CSPG5: variants seen among roughly 807,000 people sequenced by gnomAD.
CSPG5 encodes the protein acidic leucine-rich EGF-like domain-containing brain protein.
Under a neutral mutation model 39.8 loss-of-function variants are expected in CSPG5, and 25 were observed. That is an observed-to-expected ratio of 0.63 (90% confidence interval 0.46 to 0.88). The LOEUF is 0.88. Among genes scored for constraint, CSPG5 ranks in the 40% least tolerant of loss-of-function variants. The pLI is 0.00. For synonymous variants in CSPG5, 295 were observed against 303.9 expected (o/e 0.97, Z 0.31); for missense variants, 627 against 702.2 (o/e 0.89, Z 1.21).
At position 47,577,456 on chromosome 3, in the gene CSPG5, C is replaced by T. The variant is rs763783693; in HGVS notation, c.570G>A (p.Glu190=). The T allele has an allele frequency of 1.2e-6, 2 of 1,614,080 alleles. No homozygotes were observed. The highest frequency in any genetic ancestry group is 1.7e-5 in the Admixed American group (1 of 60,022). ...GGGTGCCCTGAAATGGGTAAGTCAG[C>T]TCTGGCCCTTGAGGGTCGGGTGTGC... ...GGSTPDPQGP[E]LTYPFQGTLE... The change falls in exon 2 of 5, where the codon GAG becomes GAA. Residue 190 remains glutamate (E), a synonymous_variant. Transcript: ENST00000264723. The surrounding 1 kb of genome is among the most constrained non-coding windows in gnomAD (Gnocchi z 4.7).
rs1165046521 is a variant in CSPG5 at position 47,562,587 on chromosome 3, T to C, written c.*13A>G. 1 of 1,560,218 alleles carries C rather than the reference T, an allele frequency of 6.4e-7. No homozygotes were observed. On this transcript the variant is annotated 3_prime_UTR_variant, in exon 5 of 5. Transcript: ENST00000264723. Reference sequence around the variant, plus strand: ...CCACCCACTACCCCCGCTTCCTCTCTTCTTGCTCTGCTTTAGGTTAAATTA... The same window carrying C: ...CCACCCACTACCCCCGCTTCCTCTCCTCTTGCTCTGCTTTAGGTTAAATTA...
At chr3:47,575,142 C>G (rs1276562714) in intron 2 of CSPG5, among the ~76,000 whole-genome samples, 2 of 150,138 alleles carry the variant, frequency 1.3e-5, no homozygotes, top group Non-Finnish European at 3.0e-5. Context: ...AAGAGATACC[C>G]TGGCCGGGCG....
At chr3:47,566,279 G>C (rs2031295687) in intron 4 of CSPG5, among the ~76,000 whole-genome samples, 1 of 151,890 alleles carries the variant, frequency 6.6e-6, no homozygotes, top group Non-Finnish European at 1.5e-5. Flanking sequence ...GGTGGGGAGA[G>C]AGGGGTGGGG....
At chr3:47,575,057 G>C (rs2031662338) in intron 2 of CSPG5, among the ~76,000 whole-genome samples, 1 of 152,160 alleles carries the variant, frequency 6.6e-6, no homozygotes, top group African/African-American at 2.4e-5. Flanking sequence ...ACTACATCAA[G>C]ACCTAAGGAA....
At chr3:47,566,450 G>A (rs796504116) in intron 4 of CSPG5, among the ~76,000 whole-genome samples, 5 of 152,274 alleles carry the variant, frequency 3.3e-5, no homozygotes, top group South Asian at 2.1e-4. Context: ...AGTGGCAACC[G>A]TGTTCATCGG....
At chr3:47,580,038 T>G (rs1437032436), upstream of CSPG5, 1 of 152,048 alleles carries the variant, frequency 6.6e-6, no homozygotes, top group African/African-American at 2.4e-5. Flanking sequence ...CCAGATGGAG[T>G]TGCCTTGGTT....
chr3:47,568,808 G>C (rs2031408753), intron 4 of CSPG5, among the ~76,000 whole-genome samples: 1 of 152,136 alleles, frequency 6.6e-6, no homozygotes, highest in South Asian at 2.1e-4. Flanking sequence ...TTGAGGCCAG[G>C]AGTTCGAGAC....
rs1477162935 is a variant in CSPG5, at chr3:47,572,149, C to G, written c.1382+537G>C. Among the ~76,000 whole-genome samples, 2 of 152,212 alleles carry G rather than the reference C, an allele frequency of 1.3e-5. No homozygotes were observed. Among genetic ancestry groups the G allele is most frequent in the African/African-American group, 4.8e-5 (2 of 41,460 alleles). On this transcript the variant is annotated intron_variant, in intron 3 of 4. Coordinates refer to ENST00000264723, the MANE Select transcript of CSPG5 (RefSeq NM_006574.4). The surrounding 1 kb of genome is among the most constrained non-coding windows in gnomAD (Gnocchi z 4.5). Reference sequence around the variant, plus strand: ...AGTTCCTTGCACTTCTGATTGGACACAGGCTTGACTAGCTTTCAAAAAGCA... The same window carrying G: ...AGTTCCTTGCACTTCTGATTGGACAGAGGCTTGACTAGCTTTCAAAAAGCA...
rs1462184637 is a variant in CSPG5 at position 47,578,601 on chromosome 3, C to T, written c.93G>A (p.Val31=). ...CCCGGGCGCAGTCATACCTACCCGG[C>T]ACGGCCCCAGAGGCCAGGACCAGCG... ...GAALVLASGA[V]PAREAGSAVE... The change falls in exon 1 of 5, where the codon GTG becomes GTA. Residue 31 remains valine, a synonymous_variant. Coordinates refer to ENST00000264723, the MANE Select transcript of CSPG5 (RefSeq NM_006574.4). This position sits in a 1 kb window ranked among gnomAD's most constrained non-coding sequence, Gnocchi z 6.0. 1.7e-6 allele frequency: 2 copies of T among 1,157,994 alleles called. No homozygotes were observed. Among genetic ancestry groups the T allele is most frequent in the Non-Finnish European group, 2.1e-6 (2 of 935,832 alleles). 71.7% of individuals were successfully genotyped at this position (1,157,994 alleles called of 1,614,324 possible). A position where few individuals can be genotyped will look rare whatever the true frequency, so the allele number is the denominator to read the frequency against.
chr3:47,578,669 GGCCCCC>G lies in CSPG5; in HGVS notation c.19_24del (p.Gly7_Gly8del). ...AGCAGTGGCGGCGGCCCCCGGCCCG[GGCCCCC>G]GCCCCCGGCTCGCCCCATGGCGCGG... On this transcript the variant is annotated inframe_deletion, in exon 1 of 5. Coordinates refer to ENST00000264723, the MANE Select transcript of CSPG5 (RefSeq NM_006574.4). This position sits in a 1 kb window ranked among gnomAD's most constrained non-coding sequence, Gnocchi z 6.0. The G allele has an allele frequency of 9.3e-7, 1 of 1,081,018 alleles. No homozygotes were observed. Among genetic ancestry groups the G allele is most frequent in the Non-Finnish European group, 1.1e-6 (1 of 885,132 alleles). The allele number at this position is 1,081,018 out of a possible 1,614,324, so 67.0% of individuals were successfully genotyped here.
intron 4 of CSPG5, among the ~76,000 whole-genome samples, chr3:47,564,291 T>C (rs747474671): frequency 2.0e-5 from 3 of 151,744 alleles, no homozygotes; most frequent in Non-Finnish European, 4.4e-5. Context: ...GTTATGGGAG[T>C]GATGAGTTGG....
intron 3 of CSPG5, among the ~76,000 whole-genome samples, chr3:47,571,502 G>C (rs1458260895): frequency 6.6e-6 from 1 of 152,250 alleles, no homozygotes; most frequent in Non-Finnish European, 1.5e-5. Flanking sequence ...GAGGAGCCAG[G>C]GGTCCAGGAC....
At chr3:47,575,386 A>G (rs767591710) in intron 2 of CSPG5, among the ~76,000 whole-genome samples, 12 of 152,170 alleles carry the variant, frequency 7.9e-5, no homozygotes, top group Non-Finnish European at 1.8e-4. Flanking sequence ...AGACAAGCAA[A>G]CCACCTGATC....
chr3:47,563,150 T>G (rs1482547842), intron 4 of CSPG5, among the ~76,000 whole-genome samples: 1 of 152,216 alleles, frequency 6.6e-6, no homozygotes, highest in Non-Finnish European at 1.5e-5. Context: ...CTGTTGAGTT[T>G]TGCTTTCACA....
rs751703859 is a variant in CSPG5, at chr3:47,577,154, C to T, written c.872G>A (p.Gly291Asp). The change falls in exon 2 of 5, where the codon GGT becomes GAT. Residue 291 changes from glycine to aspartate, a missense_variant. Transcript: ENST00000264723. This position sits in a 1 kb window ranked among gnomAD's most constrained non-coding sequence, Gnocchi z 4.7. ...EEEDDKDAVGGGDLEDENELL... is the reference protein window; with the variant it reads ...EEEDDKDAVGDGDLEDENELL... ...CTCATTTTCATCTTCTAGGTCTCCA[C>T]CTCCTACTGCATCTTTGTCATCCTC... The T allele has an allele frequency of 6.8e-6, 11 of 1,613,198 alleles. No individual in the cohort carries two copies. The South Asian group carries it at 9.9e-5, about 15-fold the overall frequency.
intron 2 of CSPG5, among the ~76,000 whole-genome samples, chr3:47,575,648 C>A (rs537420233): frequency 2.6e-5 from 4 of 152,184 alleles, no homozygotes; most frequent in Non-Finnish European, 4.4e-5. Context: ...ATCTGCAATG[C>A]GAAGACTCTC....
intron 2 of CSPG5, among the ~76,000 whole-genome samples, chr3:47,573,101 T>C (rs1025009629): frequency 2.0e-5 from 3 of 152,166 alleles, no homozygotes; most frequent in Admixed American, 6.5e-5. Flanking sequence ...GTGATATAAA[T>C]GAGGTAACCG....
chr3:47,569,476 C>T (rs1463290974), intron 3 of CSPG5, among the ~76,000 whole-genome samples: 5 of 151,830 alleles, frequency 3.3e-5, no homozygotes, highest in South Asian at 4.2e-4. Flanking sequence ...TGGTGGCAGG[C>T]GCCTGTAATC....
At chr3:47,564,766 T>C (rs1055567703) in intron 4 of CSPG5, among the ~76,000 whole-genome samples, 2 of 152,050 alleles carry the variant, frequency 1.3e-5, no homozygotes, top group African/African-American at 4.8e-5. Context: ...AATATAGATA[T>C]AGGTGTGTGT....
Sources: allele counts gnomAD v4.1 joint callset (sites outside exome capture counted in the v4.1 genomes callset), GRCh38; gene constraint gnomAD v4.1.1; non-coding constraint Gnocchi (gnomAD v3.1); transcripts MANE v1.5; gene names NCBI Gene and HGNC (gene_info 2026-07-23, HGNC 2026-07-21).